Variants in SYNE2 observed in about 807,000 individuals in gnomAD.
SYNE2 encodes the protein spectrin repeat containing nuclear envelope protein 2, also known as nesprin-2.
In SYNE2, 431 loss-of-function variants were observed where a neutral mutation model predicts 856.3. That is an observed-to-expected ratio of 0.50 (90% CI 0.47 to 0.55). SYNE2 has a LOEUF of 0.55. Ranked by LOEUF, SYNE2 falls within the 20% of genes least tolerant of loss-of-function variation. SYNE2 has a pLI of 0.00. For missense variants in SYNE2, 8,129 were observed against 8,023.2 expected (o/e 1.01, Z -0.50); for synonymous variants, 2,923 against 2,872.3 (o/e 1.02, Z -0.56).
At chr14:63,786,032 T>C (rs1250591163) in intron 1 of SYNE2, among the ~76,000 whole-genome samples, 2 of 151,900 alleles carry the variant, frequency 1.3e-5, no homozygotes, top group Non-Finnish European at 2.9e-5. Context: ...GGGCGGATCA[T>C]CTGAGGTCAG....
At chr14:64,018,475 C>G (rs1281803525) in intron 34 of SYNE2, among the ~76,000 whole-genome samples, 1 of 152,174 alleles carries the variant, frequency 6.6e-6, no homozygotes, top group African/African-American at 2.4e-5. Flanking sequence ...AGCTCCTGAC[C>G]TCGTGATCCG....
chr14:64,054,925 C>CCT (rs1265434215), intron 48 of SYNE2, among the ~76,000 whole-genome samples: 1 of 152,126 alleles, frequency 6.6e-6, no homozygotes, highest in East Asian at 1.9e-4. Context: ...GTATTATGAA[C>CCT]CTATATTCCT....
At chr14:64,210,305 G>T (rs576302479) in intron 103 of SYNE2, among the ~76,000 whole-genome samples, 181 bp downstream of exon 103, 1 of 152,202 alleles carries the variant, frequency 6.6e-6, no homozygotes, top group African/African-American at 2.4e-5. Flanking sequence ...TTAAAAGGGG[G>T]ATTTGCATGT....
At chr14:63,943,734 G>A (rs946360819) in intron 6 of SYNE2, among the ~76,000 whole-genome samples, 2 of 151,128 alleles carry the variant, frequency 1.3e-5, no homozygotes, top group Admixed American at 6.6e-5. Flanking sequence ...GCAGTGGCAC[G>A]ATCTCGGCTC....
At chr14:64,152,543 C>T in intron 84 of SYNE2, 21 bp from the exon 85 acceptor site, 1 of 1,613,548 alleles carries the variant, frequency 6.2e-7, no homozygotes, top group Non-Finnish European at 8.5e-7. Flanking sequence ...CATTGAAAAC[C>T]TTTTCCTCTT....
Position 63,990,453 on chromosome 14 carries a change from A to G in SYNE2, c.2356A>G (p.Arg786Gly), listed in dbSNP as rs1415400238. The G allele has an allele frequency of 1.2e-6, 2 of 1,613,668 alleles. No individual in the cohort carries two copies. Among genetic ancestry groups the G allele is most frequent in the East Asian group, 2.2e-5 (1 of 44,854 alleles). ...CTCTATGTTTGATGAGCTTATGGCA[A>G]GAAGTGAAGATATGTTACAAATGGA... ...KGSMFDELMA[R>G]SEDMLQMDIQ... Residue 786 changes from arginine to glycine, a missense_variant, in exon 20 of 116, where the codon AGA becomes GGA. Around this residue, in one of 3 missense-constraint regions of SYNE2, gnomAD observed 2,422 missense variants for 2,357.4 expected, o/e 1.03. Transcript: ENST00000555002.
Position 64,031,084 on chromosome 14 carries a change from C to G in SYNE2, c.6948C>G (p.Val2316=). Residue 2316 remains valine (V), a synonymous_variant, in exon 45 of 116, where the codon GTC becomes GTG. Coordinates refer to ENST00000555002, the MANE Select transcript of SYNE2 (RefSeq NM_182914.3). ...LKKILALAKS[V]KQNTSSVGQK... ...AGATTTTAGCTTTAGCAAAATCCGT[C>G]AAGCAAAATACATCTTCAGTGGGGC... 1 of 1,613,950 alleles carries G rather than the reference C, an allele frequency of 6.2e-7. No homozygotes were observed. Among genetic ancestry groups the G allele is most frequent in the East Asian group, 2.2e-5 (1 of 44,880 alleles).
chr14:64,164,149 G>A (rs183165484), intron 89 of SYNE2, among the ~76,000 whole-genome samples: 65 of 147,752 alleles, frequency 4.4e-4, no homozygotes, highest in South Asian at 1.3e-3. Flanking sequence ...TCGTTCTGTC[G>A]CCCAGGCTGG....
At chr14:63,895,735 C>G (rs1157278467) in intron 1 of SYNE2, among the ~76,000 whole-genome samples, 1 of 144,732 alleles carries the variant, frequency 6.9e-6, no homozygotes, top group Non-Finnish European at 1.5e-5. Flanking sequence ...GCACTGTACT[C>G]CAGCCTGGGT....
upstream of SYNE2, among the ~76,000 whole-genome samples, chr14:63,851,975 CGGGGGGGG>C (rs113075796): frequency 0.61 from 14,341 of 23,454 alleles, 4,859 homozygotes; most frequent in Non-Finnish European, 0.69. Context: ...AGCTACTAAG[CGGGGGGGG>C]GGGGGGGGGG....
At chr14:63,803,219 C>T (rs760528322) in intron 1 of SYNE2, among the ~76,000 whole-genome samples, 22 of 152,348 alleles carry the variant, frequency 1.4e-4, no homozygotes, top group South Asian at 1.0e-3. Flanking sequence ...GATCCCCCAC[C>T]GGGGCTGCAG....
intron 50 of SYNE2, 79 bp downstream of exon 50, chr14:64,062,974 G>T (rs2097329260): frequency 6.4e-7 from 1 of 1,551,622 alleles, no homozygotes; most frequent in Non-Finnish European, 8.9e-7. Context: ...CAGAGAATGT[G>T]GTCCTGTTAA....
chr14:63,844,870 C>A (rs921607830), intron 1 of SYNE2, among the ~76,000 whole-genome samples: 7 of 152,004 alleles, frequency 4.6e-5, no homozygotes, highest in Non-Finnish European at 7.4e-5. Context: ...CATAGCAAGA[C>A]CCTGTCTCTA....
chr14:63,838,067 G>A (rs947422666), intron 1 of SYNE2, among the ~76,000 whole-genome samples: 9 of 151,744 alleles, frequency 5.9e-5, no homozygotes, highest in Admixed American at 3.3e-4. Context: ...ATGAAATGGC[G>A]AAAATTAAAA....
At chr14:63,815,169 CACATATATAT>C (rs1888895740) in intron 1 of SYNE2, among the ~76,000 whole-genome samples, 1 of 109,616 alleles carries the variant, frequency 9.1e-6, no homozygotes, top group East Asian at 2.5e-4. Flanking sequence ...CATATATATC[CACATATATAT>C]CCATATATAT....
intron 99 of SYNE2, chr14:64,202,075 C>A: frequency 1.5e-6 from 1 of 655,926 alleles, no homozygotes; most frequent in South Asian, 1.7e-5. Context: ...CGTGTGCTTT[C>A]AAATCTGCTC....
chr14:63,838,589 A>C lies in SYNE2; in HGVS notation c.-304-13912A>C, dbSNP rs1257869454. 2.6e-5 allele frequency among the ~76,000 whole-genome samples: 4 copies of C among 152,172 alleles called. No individual in the cohort carries two copies. The East Asian group carries it at 7.7e-4, about 29-fold the overall frequency. ...GAATGCAGTGGCGCAATCATAGCTC[A>C]CTGCAGCCTCTAATTCCTTGGCTCC... On this transcript the variant is annotated intron_variant, in intron 1 of 23. Coordinates refer to the SYNE2 transcript ENST00000674003.
intron 90 of SYNE2, among the ~76,000 whole-genome samples, chr14:64,165,806 G>T (rs557957515): frequency 6.6e-6 from 1 of 152,228 alleles, no homozygotes; most frequent in Non-Finnish European, 1.5e-5. Flanking sequence ...GAGCCACTGC[G>T]CCTGGCCTAA....
intron 111 of SYNE2, 91 bp from the exon 112 acceptor site, chr14:64,221,483 CTG>C: frequency 6.2e-7 from 1 of 1,612,132 alleles, no homozygotes; most frequent in East Asian, 2.2e-5. Context: ...AAGCAAATGA[CTG>C]TGATGGATTG....
Sources: allele counts gnomAD v4.1 joint callset (sites outside exome capture counted in the v4.1 genomes callset), GRCh38; gene constraint gnomAD v4.1.1; regional missense constraint gnomAD v4.1.1; transcripts MANE v1.5; gene names NCBI Gene and HGNC (gene_info 2026-07-23, HGNC 2026-07-21).